The following MACROD2 variants were observed in gnomAD, a reference collection of about 807,000 sequenced individuals.
MACROD2 encodes mono-ADP ribosylhydrolase 2.
A neutral mutation model predicts 70.4 loss-of-function variants in MACROD2; 36 were observed. That is an observed-to-expected ratio of 0.51 (90% CI 0.39 to 0.68). MACROD2 has a LOEUF of 0.68. Ranked by LOEUF, MACROD2 falls within the 30% of genes least tolerant of loss-of-function variation. The pLI is 0.00. For synonymous variants in MACROD2, 172 were observed against 178.8 expected (o/e 0.96, Z 0.30); for missense variants, 496 against 538.4 (o/e 0.92, Z 0.78).
At chr20:15,336,544 C>G (rs1359975309) in intron 6 of MACROD2, among the ~76,000 whole-genome samples, 1 of 151,602 alleles carries the variant, frequency 6.6e-6, no homozygotes, top group Non-Finnish European at 1.5e-5. Flanking sequence ...AGGGGCCAAG[C>G]TTTCTTTTTA....
At chr20:15,924,692 A>G (rs1028001042) in intron 10 of MACROD2, among the ~76,000 whole-genome samples, 1 of 152,160 alleles carries the variant, frequency 6.6e-6, no homozygotes, top group African/African-American at 2.4e-5. Context: ...ACAAACATTA[A>G]TTGATGACAA....
At chr20:14,943,441 AT>A (rs1184190427) in intron 5 of MACROD2, among the ~76,000 whole-genome samples, 6 of 151,998 alleles carry the variant, frequency 3.9e-5, no homozygotes, top group Non-Finnish European at 5.9e-5. Flanking sequence ...ATTTTTTAAA[AT>A]TTTGTTTACA....
intron 12 of MACROD2, among the ~76,000 whole-genome samples, chr20:15,963,289 C>T (rs999795487): frequency 2.6e-5 from 4 of 151,738 alleles, no homozygotes; most frequent in Non-Finnish European, 5.9e-5. Flanking sequence ...TTTTTTGGTT[C>T]AGACCCATTA....
At chr20:13,998,179 A>G (rs1318242075) in intron 1 of MACROD2, among the ~76,000 whole-genome samples, 1 of 152,172 alleles carries the variant, frequency 6.6e-6, no homozygotes, top group Non-Finnish European at 1.5e-5. Context: ...GAAAATGCAT[A>G]TATATTTGTG....
At chr20:14,803,787 T>C (rs1303436537) in intron 5 of MACROD2, among the ~76,000 whole-genome samples, 1 of 152,072 alleles carries the variant, frequency 6.6e-6, no homozygotes, top group African/African-American at 2.4e-5. Context: ...GGCCTGTTCT[T>C]TATTAATTTA....
At chr20:14,660,061 T>G (rs1346922100) in intron 4 of MACROD2, among the ~76,000 whole-genome samples, 3 of 152,202 alleles carry the variant, frequency 2.0e-5, no homozygotes, top group Non-Finnish European at 4.4e-5. Flanking sequence ...TCCCATTCAC[T>G]CTGTATGTTA....
chr20:15,492,774 C>T lies in MACROD2; in HGVS notation c.572-7000C>T, dbSNP rs115425405. The stretch of plus-strand genomic sequence containing the variant: ...AAAAATAACACGGTGCCATGCTTTC[C>T]TCATTAAAGAGTTGGCAGGAATAGA... On this transcript the variant is annotated intron_variant, in intron 7 of 17. Transcript: ENST00000684519. Among the ~76,000 whole-genome samples the T allele has an allele frequency of 3.6e-3, 544 of 152,238 alleles. 5 individuals are homozygous for T. Among genetic ancestry groups the T allele is most frequent in the African/African-American group, 0.013 (520 of 41,550 alleles).
At chr20:15,262,524 C>A (rs961859784) in intron 6 of MACROD2, among the ~76,000 whole-genome samples, 2 of 151,954 alleles carry the variant, frequency 1.3e-5, no homozygotes, top group African/African-American at 4.8e-5. Flanking sequence ...TGCAGATATC[C>A]TTTTGATATA....
Position 14,896,446 on chromosome 20 carries a change from T to G in MACROD2, c.418+211487T>G, listed in dbSNP as rs1467244478. Among the ~76,000 whole-genome samples the G allele has an allele frequency of 2.0e-5, 3 of 152,316 alleles. No homozygotes were observed. In the East Asian group the frequency reaches 5.8e-4, roughly 29 times the overall value. ...AATTCCTTTTTCTCAAAATTCTGAA[T>G]GTGCTGTGTTTAACAGCGTAGTTAC... On this transcript the variant is annotated intron_variant, in intron 5 of 17. Transcript: ENST00000684519.
At chr20:14,427,777 G>T (rs2083950160) in intron 3 of MACROD2, among the ~76,000 whole-genome samples, 1 of 152,088 alleles carries the variant, frequency 6.6e-6, no homozygotes, top group African/African-American at 2.4e-5. Flanking sequence ...AAATGGCAGA[G>T]CTGGAAGTGC....
chr20:14,666,683 T>C (rs2070739965), intron 4 of MACROD2, among the ~76,000 whole-genome samples: 2 of 151,974 alleles, frequency 1.3e-5, no homozygotes, highest in Admixed American at 1.3e-4. Context: ...TTTCTTTTCT[T>C]AATATTTCAG....
At chr20:15,781,260 T>C (rs2051826354) in intron 8 of MACROD2, among the ~76,000 whole-genome samples, 1 of 152,086 alleles carries the variant, frequency 6.6e-6, no homozygotes, top group Non-Finnish European at 1.5e-5. Context: ...CTTTACAGAG[T>C]TACAGTCAAA....
At chr20:15,613,983 G>C (rs1004811605) in intron 8 of MACROD2, among the ~76,000 whole-genome samples, 3 of 152,222 alleles carry the variant, frequency 2.0e-5, no homozygotes, top group South Asian at 2.1e-4. Context: ...GTGTGAATGA[G>C]AGATGGGAAG....
intron 5 of MACROD2, among the ~76,000 whole-genome samples, chr20:14,845,313 T>C (rs2073128682): frequency 6.6e-6 from 1 of 152,148 alleles, no homozygotes; most frequent in Non-Finnish European, 1.5e-5. Context: ...GTTGTATTTC[T>C]AGAGAGGATT....
intron 2 of MACROD2, among the ~76,000 whole-genome samples, chr20:14,045,770 G>A (rs906615792): frequency 3.9e-5 from 6 of 152,150 alleles, no homozygotes; most frequent in African/African-American, 1.4e-4. Flanking sequence ...GAATTAAAAG[G>A]GAGGGGGGAA....
intron 6 of MACROD2, among the ~76,000 whole-genome samples, chr20:15,377,078 G>A (rs1032026148): frequency 5.3e-5 from 8 of 152,072 alleles, no homozygotes; most frequent in African/African-American, 1.9e-4. Flanking sequence ...TTTTAGTAGA[G>A]ATGGGGTTTC....
chr20:14,715,281 C>T (rs2071384870), intron 5 of MACROD2, among the ~76,000 whole-genome samples: 1 of 152,122 alleles, frequency 6.6e-6, no homozygotes, highest in African/African-American at 2.4e-5. Context: ...GATTCAATTA[C>T]CTCCCACTGG....
chr20:14,371,556 C>A (rs1011386133), intron 3 of MACROD2, among the ~76,000 whole-genome samples: 13 of 151,798 alleles, frequency 8.6e-5, no homozygotes, highest in African/African-American at 3.1e-4. Flanking sequence ...TGAATATCTG[C>A]CTTTTTATTT....
intron 3 of MACROD2, among the ~76,000 whole-genome samples, chr20:14,344,981 TC>T (rs1448035725): frequency 6.6e-6 from 1 of 152,108 alleles, no homozygotes; most frequent in African/African-American, 2.4e-5. Flanking sequence ...CCAAGGCAAA[TC>T]AGAAATAAGC....
Sources: gnomAD v4.1 joint callset for allele counts (sites outside exome capture counted in the v4.1 genomes callset) on GRCh38, gnomAD v4.1.1 for gene constraint, MANE v1.5 for transcripts, NCBI Gene and HGNC (gene_info 2026-07-23, HGNC 2026-07-21) for gene names.